ABCC5: variants seen among roughly 807,000 people sequenced by gnomAD.
ABCC5 encodes the protein ATP binding cassette subfamily C member 5.
A neutral mutation model predicts 160.9 loss-of-function variants in ABCC5; 61 were observed. The ratio of observed to expected loss-of-function variants is 0.38; its 90% CI spans 0.31 to 0.47. The LOEUF (loss-of-function observed/expected upper bound fraction) is 0.47, where lower values mean the gene tolerates loss of function less well. Ranked by LOEUF, ABCC5 falls within the 20% of genes least tolerant of loss-of-function variation. The probability of loss-of-function intolerance (pLI) is 0.99; values close to 1 mark genes in which losing one functional copy is unlikely to be tolerated. For missense variants in ABCC5, 1,308 were observed against 1,813.3 expected, an observed-to-expected ratio of 0.72 and a Z score of 5.06; for synonymous variants, 666 against 700.6, an observed-to-expected ratio of 0.95 and a Z score of 0.78.
chr3:184,005,956 T>C (rs1721164777), intron 2 of ABCC5, among the ~76,000 whole-genome samples: 2 of 151,570 alleles, frequency 1.3e-5, no homozygotes, highest in Non-Finnish European at 2.9e-5. Context: ...TCTTCCCCTT[T>C]GACAGAAAGT....
At chr3:183,989,449 T>C in intron 2 of ABCC5, 66 bp from the exon 3 acceptor site, 3 of 1,548,186 alleles carry the variant, frequency 1.9e-6, no homozygotes, top group African/African-American at 1.4e-5. Context: ...CAAACGGAAC[T>C]GATGAAACAG....
chr3:183,990,934 C>T (rs1252869335), intron 2 of ABCC5, among the ~76,000 whole-genome samples: 2 of 152,146 alleles, frequency 1.3e-5, no homozygotes, highest in Non-Finnish European at 2.9e-5. Context: ...TCCTCAATTT[C>T]CTTATCTTCC....
chr3:183,995,039 C>T (rs936935401), intron 2 of ABCC5, among the ~76,000 whole-genome samples: 1 of 151,620 alleles, frequency 6.6e-6, no homozygotes, highest in Non-Finnish European at 1.5e-5. Context: ...TTTGTGGAGA[C>T]AGCACTATGT....
chr3:184,007,620 G>C (rs1721337287), intron 2 of ABCC5, among the ~76,000 whole-genome samples: 1 of 152,094 alleles, frequency 6.6e-6, no homozygotes, highest in African/African-American at 2.4e-5. Context: ...GAGGTCAGGA[G>C]TTCAAGACCA....
chr3:183,987,359 C>G lies in ABCC5; in HGVS notation c.591+411G>C. On this transcript the variant is annotated intron_variant, in intron 5 of 29. Transcript: ENST00000334444. The surrounding 1 kb of genome is among the most constrained non-coding windows in gnomAD (Gnocchi z 4.2). ...GCTTATTTGCCACAGACCTGCCAAACATGTGATAACTGCCTCCAGGCACTT... is the reference window on the plus strand; with the variant it reads ...GCTTATTTGCCACAGACCTGCCAAAGATGTGATAACTGCCTCCAGGCACTT... The G allele has an allele frequency of 5.0e-6, 2 of 403,184 alleles. No individual in the cohort carries two copies. The highest frequency in any genetic ancestry group is 4.5e-6 in the Non-Finnish European group (1 of 223,782). The allele number at this position is 403,184 out of a possible 1,614,324, so 25.0% of individuals were successfully genotyped here. A position where few individuals can be genotyped will look rare whatever the true frequency, so the allele number is the denominator to read the frequency against.
At chr3:183,961,205 A>C (rs1716700731) in intron 16 of ABCC5, among the ~76,000 whole-genome samples, 1 of 152,238 alleles carries the variant, frequency 6.6e-6, no homozygotes, top group Non-Finnish European at 1.5e-5. Flanking sequence ...TTAGGAAACT[A>C]AGCTGTGAAT....
At chr3:183,941,188 G>C (rs1373828332) in intron 25 of ABCC5, among the ~76,000 whole-genome samples, 1 of 152,096 alleles carries the variant, frequency 6.6e-6, no homozygotes, top group African/African-American at 2.4e-5. Context: ...TTTCTCTTCT[G>C]TCACTAACTA....
intron 24 of ABCC5, 36 bp from the exon 25 acceptor site, chr3:183,942,952 C>T (rs1577484949): frequency 1.3e-6 from 2 of 1,565,850 alleles, no homozygotes; most frequent in Non-Finnish European, 1.7e-6. Context: ...AGACTGACCA[C>T]AGATTCTTGG....
At chr3:183,957,845 T>C (rs1166433728) in intron 17 of ABCC5, among the ~76,000 whole-genome samples, 2 of 138,284 alleles carry the variant, frequency 1.4e-5, no homozygotes, top group African/African-American at 5.3e-5. Flanking sequence ...TACATGCGGA[T>C]CCGTGTGTAT....
At chr3:183,957,872 GCGGA>G in intron 17 of ABCC5, among the ~76,000 whole-genome samples, 3 of 119,072 alleles carry the variant, frequency 2.5e-5, no homozygotes, top group African/African-American at 9.4e-5. Flanking sequence ...TCTGTTACAT[GCGGA>G]TCCGTGTGTA....
intron 12 of ABCC5, among the ~76,000 whole-genome samples, chr3:183,966,615 T>G (rs1717240467): frequency 6.6e-6 from 1 of 151,978 alleles, no homozygotes; most frequent in Non-Finnish European, 1.5e-5. Flanking sequence ...CCCATCTCTG[T>G]CTCTCCTCAC....
intron 25 of ABCC5, among the ~76,000 whole-genome samples, chr3:183,941,924 A>C (rs1284614746): frequency 6.6e-6 from 1 of 151,788 alleles, no homozygotes; most frequent in East Asian, 2.0e-4. Flanking sequence ...CAGTGAGCTG[A>C]GATCGTGCTA....
intron 10 of ABCC5, among the ~76,000 whole-genome samples, chr3:183,973,778 G>T (rs1475007593): frequency 6.6e-6 from 1 of 152,170 alleles, no homozygotes; most frequent in Non-Finnish European, 1.5e-5. Context: ...CTGAGAGATT[G>T]AACTAAGAGT....
intron 1 of ABCC5, among the ~76,000 whole-genome samples, chr3:184,015,688 T>TAA (rs58272682): frequency 1.4e-5 from 2 of 140,280 alleles, no homozygotes; most frequent in Non-Finnish European, 3.1e-5. Flanking sequence ...TACTTATCTT[T>TAA]AAAAAAAAAA....
At chr3:183,947,831 T>C (rs16858271) in intron 22 of ABCC5, among the ~76,000 whole-genome samples, 5,509 of 152,246 alleles carry the variant, frequency 0.036, 327 homozygotes, top group African/African-American at 0.12. Flanking sequence ...AGGCTTGTGT[T>C]AAACTTTAGA....
rs146063907 is a variant in ABCC5 at position 183,922,035 on chromosome 3, T to TAATAAATAAATAAATA, written c.4213-650_4213-635dup. ...GACACAACGAGACTCTGCCTCAAAA[T>TAATAAATAAATAAATA]AATAAATAAATAAATAAATAAATAA... is the stretch of plus-strand genomic sequence containing the variant. On this transcript the variant is annotated intron_variant, in intron 29 of 29. Coordinates refer to ENST00000334444, the MANE Select transcript of ABCC5 (RefSeq NM_005688.4). Among the ~76,000 whole-genome samples, 7 of 146,120 alleles carry TAATAAATAAATAAATA rather than the reference T, an allele frequency of 4.8e-5. No individual in the cohort carries two copies. In the East Asian group the frequency reaches 6.0e-4, roughly 13 times the overall value.
chr3:184,013,822 G>C (rs994721328), intron 2 of ABCC5, among the ~76,000 whole-genome samples: 2 of 152,148 alleles, frequency 1.3e-5, no homozygotes, highest in African/African-American at 2.4e-5. Context: ...CTATGGACCA[G>C]AGACTTATCA....
At chr3:183,965,825 G>A (rs555583899) in intron 12 of ABCC5, among the ~76,000 whole-genome samples, 58 of 152,278 alleles carry the variant, frequency 3.8e-4, no homozygotes, top group African/African-American at 1.3e-3. Context: ...TCCTGGAGAG[G>A]ATGCTGTAGG....
chr3:183,926,142 G>GTTT (rs545167336), intron 28 of ABCC5, among the ~76,000 whole-genome samples: 16,480 of 131,890 alleles, frequency 0.12, 1,247 homozygotes, highest in East Asian at 0.34. Context: ...CCAGCCTATT[G>GTTT]TTTTTTTTTT....
Sources: gnomAD v4.1 joint callset for allele counts (sites outside exome capture counted in the v4.1 genomes callset) on GRCh38, gnomAD v4.1.1 for gene constraint, Gnocchi (gnomAD v3.1) non-coding constraint, MANE v1.5 for transcripts, NCBI Gene and HGNC (gene_info 2026-07-23, HGNC 2026-07-21) for gene names.